The following PLCH2 variants were observed in gnomAD, a reference collection of about 807,000 sequenced individuals.
PLCH2 encodes the protein phospholipase C eta 2.
In PLCH2, 98 loss-of-function variants were observed where a neutral mutation model predicts 134.7. The ratio of observed to expected loss-of-function variants is 0.73; its 90% CI spans 0.62 to 0.86. The LOEUF (loss-of-function observed/expected upper bound fraction) is 0.86, where lower values mean the gene tolerates loss of function less well. Ranked by LOEUF, PLCH2 falls within the 40% of genes least tolerant of loss-of-function variation. PLCH2 has a pLI of 0.00. For synonymous variants in PLCH2, 974 were observed against 827.5 expected (o/e 1.18, Z -3.04); for missense variants, 1,994 against 1,986.6 (o/e 1.00, Z -0.07).
At position 2,457,723 on chromosome 1, in the gene PLCH2, C is replaced by T. The variant is rs142533214; in HGVS notation, c.116-20753C>T. On this transcript the variant is annotated intron_variant, in intron 2 of 3. Transcript: ENST00000609981. ...AAGTTCCCCAAAGGCGAAGGTGGCT[C>T]ACCCCGAGTCCTGGCTGCACCCTGG... Among the ~76,000 whole-genome samples, 61 of 152,160 alleles carry T rather than the reference C, an allele frequency of 4.0e-4. 1 individual carries two copies. In the East Asian group the frequency reaches 0.01, roughly 25 times the overall value.
intron 2 of PLCH2, among the ~76,000 whole-genome samples, chr1:2,460,450 A>G (rs1640758476): frequency 6.6e-6 from 1 of 152,212 alleles, no homozygotes; most frequent in African/African-American, 2.4e-5. Flanking sequence ...GCAAGGAAGG[A>G]CGCAGAGGGT....
chr1:2,492,081 C>A (rs1642617999), intron 11 of PLCH2, among the ~76,000 whole-genome samples: 1 of 152,236 alleles, frequency 6.6e-6, no homozygotes, highest in Non-Finnish European at 1.5e-5. Context: ...CCCTACCGTG[C>A]CCTGTGGCAC....
rs1444835968 is a variant in PLCH2, at chr1:2,448,640, A to G, written c.115+18011A>G. ...GCCCCCTACTGTGGCCGTGTGCTCC[A>G]CCCCAGCACCCCCGCCCGAGGCAGG... On this transcript the variant is annotated intron_variant, in intron 2 of 3. Coordinates refer to the PLCH2 transcript ENST00000609981. This position sits in a 1 kb window ranked among gnomAD's most constrained non-coding sequence, Gnocchi z 4.0. Among the ~76,000 whole-genome samples, 1 of 150,570 alleles carries G rather than the reference A, an allele frequency of 6.6e-6. No individual in the cohort carries two copies. Among genetic ancestry groups the G allele is most frequent in the Non-Finnish European group, 1.5e-5 (1 of 67,586 alleles).
intron 2 of PLCH2, among the ~76,000 whole-genome samples, chr1:2,432,703 C>T (rs1340076312): frequency 3.3e-5 from 5 of 152,150 alleles, no homozygotes; most frequent in Non-Finnish European, 7.4e-5. Context: ...ACTCCTGATC[C>T]CTGAGCCTCT....
At chr1:2,432,610 G>A (rs1314791378) in intron 2 of PLCH2, among the ~76,000 whole-genome samples, 3 of 152,186 alleles carry the variant, frequency 2.0e-5, no homozygotes, top group African/African-American at 4.8e-5. Flanking sequence ...CACACTCAGC[G>A]CCCTGGGCCC....
chr1:2,424,116 T>C (rs1638656011), upstream of PLCH2, among the ~76,000 whole-genome samples: 2 of 152,164 alleles, frequency 1.3e-5, no homozygotes, highest in Non-Finnish European at 2.9e-5. Context: ...ATTTATGAGG[T>C]AGATAGTGAT....
rs1470104588 is a variant in PLCH2, at chr1:2,491,232, G to A, written c.1556G>A (p.Arg519Lys). Residue 519 changes from arginine (R) to lysine (K), a missense_variant, in exon 11 of 22, where the codon AGG (arginine) becomes AAG (lysine). Physicochemically the swap from Arg to Lys is conservative, Grantham distance 26. This residue lies in a region of PLCH2 where 1,094 missense variants were observed against 1,234.3 expected (regional missense o/e 0.89). Coordinates refer to ENST00000378486, the MANE Select transcript of PLCH2 (RefSeq NM_014638.4). The part of the protein sequence containing the change: ...NRKRVENTAK[R>K]KLDSLIKESK... The stretch of plus-strand genomic sequence containing the variant: ...AAGCGTGTAGAAAACACTGCTAAGA[G>A]GAAACTGGATTCCCTCATCAAAGAG... The A allele has an allele frequency of 4.3e-6, 7 of 1,613,240 alleles. No individual in the cohort carries two copies. Among genetic ancestry groups the A allele is most frequent in the East Asian group, 2.2e-5 (1 of 44,874 alleles).
chr1:2,462,983 T>C (rs939466993), upstream of PLCH2, among the ~76,000 whole-genome samples: 5 of 152,170 alleles, frequency 3.3e-5, no homozygotes, highest in Non-Finnish European at 7.4e-5. Flanking sequence ...TTCGCTTTGA[T>C]GTTGAATAAT....
chr1:2,499,274 C>T, intron 19 of PLCH2, 44 bp downstream of exon 19: 1 of 1,605,470 alleles, frequency 6.2e-7, no homozygotes, highest in Non-Finnish European at 8.5e-7. Context: ...GGCCGAGGGC[C>T]CCAGGGCAGG....
chr1:2,471,125 C>T (rs559475830), intron 1 of PLCH2, among the ~76,000 whole-genome samples: 7 of 152,238 alleles, frequency 4.6e-5, no homozygotes, highest in Admixed American at 1.3e-4. Flanking sequence ...CTGTCAAGTG[C>T]GATTAATACC....
intron 8 of PLCH2, among the ~76,000 whole-genome samples, chr1:2,487,956 C>G (rs1422704577): frequency 2.0e-5 from 3 of 152,232 alleles, no homozygotes; most frequent in Non-Finnish European, 4.4e-5. Flanking sequence ...GGTGGCACCT[C>G]CCGGTGTCAG....
chr1:2,502,204 GC>G lies in PLCH2; in HGVS notation c.2757del (p.Ser920ProfsTer126). On this transcript the variant is annotated frameshift_variant, in exon 21 of 22. Coordinates refer to ENST00000378486, the MANE Select transcript of PLCH2 (RefSeq NM_014638.4). LOFTEE classifies it high-confidence loss of function. ...ATGCTGCTGGGCGGCCCCCGGCCCG[GC>G]CCTCCGTTAGCCAGCGGATCCTGCG... ...SHAAGRPPAR[P>X]SVSQRILRRT... 1.3e-6 allele frequency: 2 copies of G among 1,537,956 alleles called. No homozygotes were observed. Among genetic ancestry groups the G allele is most frequent in the Non-Finnish European group, 1.7e-6 (2 of 1,144,006 alleles).
At chr1:2,436,275 T>TC (rs1468850217) in intron 2 of PLCH2, among the ~76,000 whole-genome samples, 1 of 59,706 alleles carries the variant, frequency 1.7e-5, no homozygotes, top group African/African-American at 7.3e-5. Context: ...CCTCCTTTCC[T>TC]CCTTCCTCCC....
chr1:2,481,797 G>A (rs563217527), intron 4 of PLCH2, among the ~76,000 whole-genome samples: 7 of 152,344 alleles, frequency 4.6e-5, no homozygotes, highest in South Asian at 4.1e-4. Flanking sequence ...GTTTCAGAGC[G>A]CTGGGCCTCC....
At chr1:2,437,101 G>C (rs1022812029) in intron 2 of PLCH2, among the ~76,000 whole-genome samples, 1 of 152,226 alleles carries the variant, frequency 6.6e-6, no homozygotes, top group African/African-American at 2.4e-5. Context: ...AGCCCCCATG[G>C]GTCAGGTGCT....
At chr1:2,430,133 G>A (rs1434704120) in intron 1 of PLCH2, among the ~76,000 whole-genome samples, 2 of 152,118 alleles carry the variant, frequency 1.3e-5, no homozygotes. Flanking sequence ...CTGCCCTTTG[G>A]TTCTTCCCAC....
intron 1 of PLCH2, among the ~76,000 whole-genome samples, chr1:2,477,845 T>C (rs998200487): frequency 2.0e-5 from 3 of 152,016 alleles, no homozygotes; most frequent in Admixed American, 6.5e-5. Context: ...ACATGAGGGG[T>C]GGGGGCTTTC....
In PLCH2 at chr1:2,478,558, C is replaced by G. The variant is rs755710339; in HGVS notation, c.207C>G (p.Tyr69Ter). ...RGGSKGLVRF[Y>*]YLDEHRSCIR... ...GCTCCAAGGGCCTGGTCCGCTTCTACTACCTGGACGAGCACCGCTCCTGCA... is the reference window on the plus strand; with the variant it reads ...GCTCCAAGGGCCTGGTCCGCTTCTAGTACCTGGACGAGCACCGCTCCTGCA... The change falls in exon 2 of 22, where the codon TAC becomes TAG. Residue 69 changes from tyrosine (Y) to a stop codon, truncating the protein, a stop_gained. Transcript: ENST00000378486. LOFTEE classifies it high-confidence loss of function. 6.2e-7 allele frequency: 1 copy of G among 1,612,746 alleles called. No homozygotes were observed. The highest frequency in any genetic ancestry group is 8.5e-7 in the Non-Finnish European group (1 of 1,179,770).
intron 21 of PLCH2, 105 bp downstream of exon 21, chr1:2,502,514 T>A: frequency 8.5e-7 from 1 of 1,171,692 alleles, no homozygotes; most frequent in Non-Finnish European, 1.2e-6. Context: ...ATGCATGAAG[T>A]GTGTGGTGGG....
Sources: gnomAD v4.1 joint callset for allele counts (sites outside exome capture counted in the v4.1 genomes callset) on GRCh38, gnomAD v4.1.1 for gene constraint, gnomAD v4.1.1 regional missense constraint, Gnocchi (gnomAD v3.1) non-coding constraint, MANE v1.5 for transcripts, NCBI Gene and HGNC (gene_info 2026-07-23, HGNC 2026-07-21) for gene names.